SLC9C1: variants seen among roughly 807,000 people sequenced by gnomAD.
SLC9C1 encodes the protein solute carrier family 9 member C1.
Under a neutral mutation model 140.9 loss-of-function variants are expected in SLC9C1, and 97 were observed. The observed-to-expected ratio is 0.69, with a 90% CI of 0.58 to 0.82. The LOEUF is 0.82. Ranked by LOEUF, SLC9C1 falls within the 40% of genes least tolerant of loss-of-function variation. SLC9C1 has a pLI of 0.00. For synonymous variants in SLC9C1, 440 were observed against 442.6 expected, an observed-to-expected ratio of 0.99 and a Z score of 0.07; for missense variants, 1,340 against 1,389.3, an observed-to-expected ratio of 0.96 and a Z score of 0.56.
intron 23 of SLC9C1, among the ~76,000 whole-genome samples, chr3:112,173,277 T>A (rs2077278409): frequency 6.6e-6 from 1 of 152,224 alleles, no homozygotes; most frequent in African/African-American, 2.4e-5. Context: ...GTGTGCTTTT[T>A]AAAATTTTTT....
At position 112,221,140 on chromosome 3, in the gene SLC9C1, T is replaced by C; in HGVS notation, c.1658A>G (p.Glu553Gly). 1.2e-6 allele frequency: 2 copies of C among 1,613,484 alleles called. No homozygotes were observed. Among genetic ancestry groups the C allele is most frequent in the Non-Finnish European group, 1.7e-6 (2 of 1,179,612 alleles). Residue 553 changes from glutamate (E) to glycine (G), a missense_variant, in exon 14 of 29, where the codon GAG becomes GGG. By Grantham distance (98) the Glu-to-Gly change is moderately conservative. Transcript: ENST00000305815. ...VLVGAAESFG[E>G]KKGKCMSLDT... ...AGAATATACTTACTTTCCCTTCTTCTCACCAAAACTTTCTGCTGCACCAAC... is the reference window on the plus strand; with the variant it reads ...AGAATATACTTACTTTCCCTTCTTCCCACCAAAACTTTCTGCTGCACCAAC...
At chr3:112,263,568 T>A (rs541708701) in intron 9 of SLC9C1, among the ~76,000 whole-genome samples, 28 of 152,034 alleles carry the variant, frequency 1.8e-4, no homozygotes, top group Admixed American at 1.4e-3. Context: ...ACTAATTTTA[T>A]CTGATAATTT....
At chr3:112,219,462 T>TA (rs1358014401) in intron 14 of SLC9C1, among the ~76,000 whole-genome samples, 5 of 152,250 alleles carry the variant, frequency 3.3e-5, no homozygotes, top group Admixed American at 2.6e-4. Context: ...CATGCATGCA[T>TA]AAAAAATGTA....
chr3:112,241,764 G>A (rs959248155), intron 11 of SLC9C1, among the ~76,000 whole-genome samples: 3 of 152,066 alleles, frequency 2.0e-5, no homozygotes, highest in Admixed American at 1.3e-4. Flanking sequence ...TAGCTCAATG[G>A]GACAGAATAG....
chr3:112,217,927 G>A (rs912023083), intron 14 of SLC9C1, among the ~76,000 whole-genome samples: 1 of 152,132 alleles, frequency 6.6e-6, no homozygotes, highest in Admixed American at 6.5e-5. Context: ...TAACTTGCTT[G>A]CTAATCTACA....
intron 14 of SLC9C1, among the ~76,000 whole-genome samples, chr3:112,219,733 C>T (rs1308987034): frequency 2.0e-5 from 3 of 152,118 alleles, no homozygotes; most frequent in East Asian, 1.9e-4. Context: ...TGCATGCCAG[C>T]GTGCCTGGCT....
intron 14 of SLC9C1, among the ~76,000 whole-genome samples, chr3:112,218,559 G>C (rs1046551300): frequency 1.3e-5 from 2 of 152,070 alleles, no homozygotes; most frequent in African/African-American, 4.8e-5. Context: ...ATATGTATAT[G>C]ACTTGATTCA....
At chr3:112,151,572 C>A in intron 28 of SLC9C1, 1 of 525,930 alleles carries the variant, frequency 1.9e-6, no homozygotes, top group Non-Finnish European at 3.7e-6. Flanking sequence ...GAAAAATAAC[C>A]TGCTAAATTG....
rs765355248 is a variant in SLC9C1 at position 112,231,393 on chromosome 3, G to T, written c.1540C>A (p.Leu514Met). The T allele has an allele frequency of 6.2e-7, 1 of 1,613,360 alleles. No homozygotes were observed. The highest frequency in any genetic ancestry group is 8.5e-7 in the Non-Finnish European group (1 of 1,179,654). ...DEIFNTEAME[L>M]ANRRLLSAQI... ...GCTGACAAGAGACGCCTGTTGGCCA[G>T]CTCCATTGCTTCAGTGTTAAAGATC... The change falls in exon 13 of 29, where the codon CTG becomes ATG. Residue 514 changes from leucine to methionine, a missense_variant. By Grantham distance (15) the Leu-to-Met change is conservative. Transcript: ENST00000305815.
chr3:112,275,905 T>C (rs1576504843), intron 5 of SLC9C1, among the ~76,000 whole-genome samples: 1 of 77,616 alleles, frequency 1.3e-5, no homozygotes, highest in South Asian at 4.5e-4. Context: ...TGAGACTCGA[T>C]GAGAGCAGAA....
chr3:112,182,608 TTAAAG>T (rs1410580996), intron 20 of SLC9C1, among the ~76,000 whole-genome samples: 5 of 152,030 alleles, frequency 3.3e-5, no homozygotes, highest in Non-Finnish European at 7.4e-5. Context: ...GATAAGCTTC[TTAAAG>T]TAAACCATTT....
At chr3:112,237,591 G>C (rs1464719900) in intron 12 of SLC9C1, among the ~76,000 whole-genome samples, 1 of 152,190 alleles carries the variant, frequency 6.6e-6, no homozygotes, top group Non-Finnish European at 1.5e-5. Context: ...GCAGTGGCTG[G>C]TACCGGTTGT....
chr3:112,240,070 G>A, intron 11 of SLC9C1, 64 bp from the exon 12 acceptor site: 2 of 1,430,364 alleles, frequency 1.4e-6, no homozygotes, highest in Non-Finnish European at 1.9e-6. Context: ...GGGTTAGAAA[G>A]CTTACTTTTG....
At position 112,208,566 on chromosome 3, in the gene SLC9C1, T is replaced by A. The variant is rs183708154; in HGVS notation, c.1791-193A>T. On this transcript the variant is annotated intron_variant, in intron 15 of 28. Coordinates refer to ENST00000305815, the MANE Select transcript of SLC9C1 (RefSeq NM_183061.3). ...TTTTAATTTCTTCCACTGATCCTCC[T>A]CTGTCTTGAGTCTAGTTTCTCCTTT... 1.0e-3 allele frequency among the ~76,000 whole-genome samples: 153 copies of A among 152,308 alleles called. 3 individuals are homozygous for A. The East Asian group carries it at 0.013, about 13-fold the overall frequency.
intron 14 of SLC9C1, among the ~76,000 whole-genome samples, chr3:112,217,794 A>T (rs572285680): frequency 9.2e-5 from 14 of 152,292 alleles, no homozygotes; most frequent in African/African-American, 3.4e-4. Context: ...GGTTGAAAAT[A>T]ATAGAGATTT....
intron 10 of SLC9C1, among the ~76,000 whole-genome samples, chr3:112,244,418 A>G (rs537564275): frequency 1.3e-5 from 2 of 152,282 alleles, no homozygotes; most frequent in South Asian, 4.1e-4. Flanking sequence ...TACTTTATCA[A>G]TCCTTATCCA....
chr3:112,188,883 T>A (rs1177404755), intron 20 of SLC9C1, among the ~76,000 whole-genome samples: 1 of 152,232 alleles, frequency 6.6e-6, no homozygotes, highest in African/African-American at 2.4e-5. Context: ...CTCCACATCC[T>A]CTCCAGCATC....
At chr3:112,284,083 A>C (rs2080435930) in intron 2 of SLC9C1, among the ~76,000 whole-genome samples, 1 of 152,238 alleles carries the variant, frequency 6.6e-6, no homozygotes, top group Admixed American at 6.5e-5. Context: ...AAAAGTGATA[A>C]TGCTGGAAGT....
At chr3:112,213,556 C>A (rs1264532998) in intron 15 of SLC9C1, among the ~76,000 whole-genome samples, 1 of 152,046 alleles carries the variant, frequency 6.6e-6, no homozygotes. Flanking sequence ...AGGTTGCAAT[C>A]CTAGTCTCTG....
Sources: allele counts gnomAD v4.1 joint callset (sites outside exome capture counted in the v4.1 genomes callset), GRCh38; gene constraint gnomAD v4.1.1; transcripts MANE v1.5; gene names NCBI Gene and HGNC (gene_info 2026-07-23, HGNC 2026-07-21).